CRYM: variants seen among roughly 807,000 people sequenced by gnomAD.
CRYM encodes the protein crystallin mu.
CRYM carries 18 observed loss-of-function variants against 32.9 expected under a neutral mutation model. The ratio of observed to expected loss-of-function variants is 0.55; its 90% CI spans 0.38 to 0.81. The LOEUF is 0.81. Among genes scored for constraint, CRYM ranks in the 30% least tolerant of loss-of-function variants. CRYM has a pLI of 0.00. For missense variants in CRYM, 337 were observed against 393.5 expected, an observed-to-expected ratio of 0.86 and a Z score of 1.21; for synonymous variants, 153 against 152.4, an observed-to-expected ratio of 1.00 and a Z score of -0.03.
At chr16:21,287,151 T>G (rs2093408842) in intron 1 of CRYM, among the ~76,000 whole-genome samples, 2 of 152,124 alleles carry the variant, frequency 1.3e-5, no homozygotes, top group South Asian at 4.1e-4. Flanking sequence ...TGGAAGTATG[T>G]CAAATACTAA....
intron 5 of CRYM, 56 bp from the exon 6 acceptor site, chr16:21,262,214 A>G (rs2093355903): frequency 6.2e-7 from 1 of 1,611,624 alleles, no homozygotes; most frequent in East Asian, 2.2e-5. Context: ...GGCTGCTAAG[A>G]AGCCCAAAGC....
At chr16:21,298,124 C>G (rs985676312) in intron 1 of CRYM, among the ~76,000 whole-genome samples, 2 of 152,292 alleles carry the variant, frequency 1.3e-5, no homozygotes, top group South Asian at 4.1e-4. Flanking sequence ...TTTGCCCAAT[C>G]AGAGAACTGA....
At position 21,278,266 on chromosome 16, in the gene CRYM, C is replaced by T. The variant is rs1196680241; in HGVS notation, c.-15G>A. ...ACCCGGCTCATCTCGCCACCTGTGC[C>T]TTCTAACCTCAGTCTCCGCACCGCG... On this transcript the variant is annotated 5_prime_UTR_variant, in exon 1 of 8. Coordinates refer to ENST00000572914, the MANE Select transcript of CRYM (RefSeq NM_001376256.1). The T allele has an allele frequency of 6.3e-7, 1 of 1,580,428 alleles. No individual in the cohort carries two copies.
At chr16:21,289,979 A>T (rs1210150255) in intron 1 of CRYM, among the ~76,000 whole-genome samples, 2 of 148,560 alleles carry the variant, frequency 1.3e-5, no homozygotes, top group Admixed American at 6.6e-5. Context: ...AAAGGATTGT[A>T]AATGGACCAA....
chr16:21,275,472 T>G, intron 3 of CRYM, 60 bp downstream of exon 3: 110 of 1,468,880 alleles, frequency 7.5e-5, no homozygotes, highest in Non-Finnish European at 9.5e-5. Flanking sequence ...CTCTCAAGAT[T>G]GAGACACCAG....
chr16:21,292,796 G>A (rs1960693304), intron 1 of CRYM, among the ~76,000 whole-genome samples: 2 of 151,886 alleles, frequency 1.3e-5, no homozygotes, highest in Admixed American at 6.6e-5. Flanking sequence ...ACACATGTAT[G>A]GCCAATTGAT....
intron 4 of CRYM, among the ~76,000 whole-genome samples, chr16:21,269,066 C>G (rs2093369563): frequency 6.6e-6 from 1 of 150,710 alleles, no homozygotes; most frequent in Non-Finnish European, 1.5e-5. Context: ...ATCACTTGAA[C>G]CCAGGAGATG....
chr16:21,288,416 T>G (rs555456332), intron 1 of CRYM, among the ~76,000 whole-genome samples: 90 of 152,342 alleles, frequency 5.9e-4, no homozygotes, highest in Middle Eastern at 3.4e-3. Context: ...TTGCCCTACA[T>G]TTGTTCATAG....
Position 21,258,745 on chromosome 16 carries a change from C to T in CRYM, c.*36G>A. The T allele has an allele frequency of 6.4e-7, 1 of 1,566,628 alleles. No individual in the cohort carries two copies. The highest frequency in any genetic ancestry group is 8.8e-7 in the Non-Finnish European group (1 of 1,137,082). ...AATTATGAGAACCAGCAGCAATATT[C>T]CTCAAGCATCCATCTCAACATCAAG... On this transcript the variant is annotated 3_prime_UTR_variant, in exon 8 of 8. Transcript: ENST00000572914.
intron 4 of CRYM, among the ~76,000 whole-genome samples, chr16:21,269,456 A>T (rs1188109548): frequency 2.0e-5 from 3 of 152,184 alleles, no homozygotes; most frequent in Non-Finnish European, 2.9e-5. Context: ...AAAACTCTGG[A>T]TTCTCCTAAG....
At chr16:21,286,352 G>A (rs1298720802) in intron 1 of CRYM, among the ~76,000 whole-genome samples, 1 of 151,566 alleles carries the variant, frequency 6.6e-6, no homozygotes, top group East Asian at 1.9e-4. Context: ...CAAGTAGCTG[G>A]GATTACAGGC....
At chr16:21,282,338 T>C (rs2093399632), upstream of CRYM, among the ~76,000 whole-genome samples, 1 of 152,190 alleles carries the variant, frequency 6.6e-6, no homozygotes, top group African/African-American at 2.4e-5. Flanking sequence ...GAAAACGGAA[T>C]AATACAGCGT....
intron 1 of CRYM, among the ~76,000 whole-genome samples, chr16:21,290,951 TG>T (rs1304044721): frequency 6.6e-6 from 1 of 152,236 alleles, no homozygotes; most frequent in Non-Finnish European, 1.5e-5. Flanking sequence ...ACAGATGATA[TG>T]GACATCAGCT....
chr16:21,270,570 C>G (rs2093373368), intron 3 of CRYM, among the ~76,000 whole-genome samples: 3 of 152,162 alleles, frequency 2.0e-5, no homozygotes, highest in Non-Finnish European at 2.9e-5. Flanking sequence ...AGACGTGAGC[C>G]ACCGCACCTA....
intron 1 of CRYM, among the ~76,000 whole-genome samples, chr16:21,287,544 G>A (rs1414761228): frequency 2.0e-5 from 3 of 152,220 alleles, no homozygotes; most frequent in Non-Finnish European, 4.4e-5. Context: ...ACCATGTGAT[G>A]AGGATTGAAA....
chr16:21,289,846 G>C (rs1454910321), intron 1 of CRYM, among the ~76,000 whole-genome samples: 1 of 151,702 alleles, frequency 6.6e-6, no homozygotes, highest in Admixed American at 6.6e-5. Flanking sequence ...ACAGAGTACT[G>C]ATTGCCAGCT....
intron 1 of CRYM, among the ~76,000 whole-genome samples, chr16:21,287,720 C>T (rs1392455224): frequency 1.3e-5 from 2 of 152,212 alleles, no homozygotes; most frequent in Admixed American, 6.5e-5. Context: ...GTGAACCCAT[C>T]GGTGTGCTGG....
intron 7 of CRYM, among the ~76,000 whole-genome samples, chr16:21,259,213 C>T (rs573194331): frequency 6.6e-6 from 1 of 151,920 alleles, no homozygotes; most frequent in Non-Finnish European, 1.5e-5. Flanking sequence ...ATTCTCCTGC[C>T]TCAGCCTCCT....
At chr16:21,270,123 T>A (rs895726301) in intron 3 of CRYM, among the ~76,000 whole-genome samples, 3 of 152,116 alleles carry the variant, frequency 2.0e-5, no homozygotes, top group Non-Finnish European at 2.9e-5. Context: ...GCCCCCATGA[T>A]CTCATTTAGT....
Sources: allele counts gnomAD v4.1 joint callset (sites outside exome capture counted in the v4.1 genomes callset), GRCh38; gene constraint gnomAD v4.1.1; transcripts MANE v1.5; gene names NCBI Gene and HGNC (gene_info 2026-07-23, HGNC 2026-07-21).